Variants in ETV4 observed in about 807,000 individuals in gnomAD.
ETV4 encodes the protein ETS variant transcription factor 4.
Under a neutral mutation model 65.9 loss-of-function variants are expected in ETV4, and 42 were observed. That is an observed-to-expected ratio of 0.64 (90% CI 0.50 to 0.82). The LOEUF is 0.82. ETV4 is among the 40% of genes least tolerant of loss of function. ETV4 has a pLI of 0.00. For missense variants in ETV4, 583 were observed against 630.3 expected, an observed-to-expected ratio of 0.92 and a Z score of 0.80; for synonymous variants, 238 against 260.0, an observed-to-expected ratio of 0.92 and a Z score of 0.81.
rs770051904 is a variant in ETV4 at position 43,533,198 on chromosome 17, G to A, written c.534C>T (p.Leu178=). 15 of 1,613,308 alleles carry A rather than the reference G, an allele frequency of 9.3e-6. No homozygotes were observed. Among genetic ancestry groups the A allele is most frequent in the Middle Eastern group, 1.6e-4 (1 of 6,074 alleles). ...CCCTGTCTCCTTACCTATGTTCCCC[G>A]AGGTACCCATGGCCAGGGTGGGGCT... ...TSQPHPGHGY[L]GEHSSVFQQP... The change falls in exon 7 of 13, where the codon CTC becomes CTT. Residue 178 remains leucine, a synonymous_variant. Coordinates refer to ENST00000319349, the MANE Select transcript of ETV4 (RefSeq NM_001079675.5).
At chr17:43,540,961 G>A (rs955747641) in intron 4 of ETV4, among the ~76,000 whole-genome samples, 1 of 152,124 alleles carries the variant, frequency 6.6e-6, no homozygotes, top group Non-Finnish European at 1.5e-5. Flanking sequence ...TAATGGGCTG[G>A]GGGTATCTCT....
intron 4 of ETV4, among the ~76,000 whole-genome samples, chr17:43,539,527 A>T (rs1397053718): frequency 1.3e-5 from 2 of 152,342 alleles, no homozygotes; most frequent in East Asian, 1.9e-4. Flanking sequence ...AAGCTCTGTG[A>T]GGGCAAGAGC....
chr17:43,543,321 G>A (rs962123074), intron 4 of ETV4, among the ~76,000 whole-genome samples: 5 of 119,832 alleles, frequency 4.2e-5, no homozygotes, highest in Admixed American at 1.7e-4. Context: ...CTGTCACACC[G>A]ACACTGACAC....
intron 4 of ETV4, among the ~76,000 whole-genome samples, chr17:43,540,047 A>G (rs78658895): frequency 0.025 from 3,761 of 152,332 alleles, 74 homozygotes; most frequent in Non-Finnish European, 0.036. Flanking sequence ...ATCCGCTGGC[A>G]AGAACAAACA....
intron 4 of ETV4, among the ~76,000 whole-genome samples, chr17:43,538,140 C>CAAA (rs34924870): frequency 2.7e-5 from 3 of 110,744 alleles, no homozygotes; most frequent in Non-Finnish European, 5.6e-5. Context: ...GACTCCATTT[C>CAAA]AAAAAAAAAA....
At chr17:43,529,440 A>G (rs1970769974) in intron 11 of ETV4, 64 bp downstream of exon 11, 2 of 1,548,656 alleles carry the variant, frequency 1.3e-6, no homozygotes, top group Admixed American at 3.8e-5. Context: ...ACCATTTCCC[A>G]GGTTCTCCCA....
chr17:43,545,969 G>A, intron 1 of ETV4: 1 of 352,314 alleles, frequency 2.8e-6, no homozygotes, highest in Non-Finnish European at 5.2e-6. Context: ...GTGTGTGTGT[G>A]TGTGTGTGTG....
chr17:43,534,636 G>A (rs1051647513), intron 5 of ETV4, among the ~76,000 whole-genome samples: 11 of 152,060 alleles, frequency 7.2e-5, no homozygotes, highest in African/African-American at 2.7e-4. Context: ...TTTCTTATTT[G>A]AGGATATAAA....
intron 8 of ETV4, among the ~76,000 whole-genome samples, chr17:43,532,361 C>T (rs1347385747): frequency 2.0e-5 from 3 of 151,918 alleles, no homozygotes; most frequent in Admixed American, 6.6e-5. Flanking sequence ...TAGCCGGGCA[C>T]GGTGGCTGGT....
intron 11 of ETV4, 70 bp downstream of exon 11, chr17:43,529,433 AT>A (rs1179478098): frequency 6.5e-7 from 1 of 1,542,148 alleles, no homozygotes; most frequent in Non-Finnish European, 8.8e-7. Context: ...ACGTGCCACC[AT>A]TTCCCAGGTT....
intron 12 of ETV4, 91 bp from the exon 13 acceptor site, chr17:43,528,834 C>T (rs1466982823): frequency 1.4e-5 from 14 of 1,006,106 alleles, no homozygotes; most frequent in Non-Finnish European, 1.9e-5. Context: ...GGCCCTTCTA[C>T]CAGTACAGGC....
chr17:43,534,876 G>A (rs1195195438), intron 5 of ETV4, among the ~76,000 whole-genome samples: 2 of 151,950 alleles, frequency 1.3e-5, no homozygotes, highest in Non-Finnish European at 2.9e-5. Context: ...GGGAGGCAGC[G>A]GTTGCAGTGA....
At chr17:43,537,475 C>T (rs959588684) in intron 4 of ETV4, among the ~76,000 whole-genome samples, 1 of 151,174 alleles carries the variant, frequency 6.6e-6, no homozygotes, top group Non-Finnish European at 1.5e-5. Flanking sequence ...GGGAGGATCA[C>T]TTGAGATCAG....
chr17:43,540,368 G>T (rs1427196372), intron 4 of ETV4, among the ~76,000 whole-genome samples: 2 of 152,158 alleles, frequency 1.3e-5, no homozygotes, highest in African/African-American at 4.8e-5. Flanking sequence ...CAGGAGAATC[G>T]CTTGAACCCA....
intron 4 of ETV4, among the ~76,000 whole-genome samples, chr17:43,538,140 C>CAA (rs34924870): frequency 9.0e-6 from 1 of 110,740 alleles, no homozygotes; most frequent in Non-Finnish European, 1.9e-5. Context: ...GACTCCATTT[C>CAA]AAAAAAAAAA....
chr17:43,535,005 G>A (rs898535054), intron 5 of ETV4, among the ~76,000 whole-genome samples: 3 of 152,180 alleles, frequency 2.0e-5, no homozygotes, highest in Non-Finnish European at 2.9e-5. Flanking sequence ...CCACTTGAAT[G>A]TCAGCTGACT....
chr17:43,531,905 A>G (rs1483800505), intron 8 of ETV4, among the ~76,000 whole-genome samples: 2 of 152,238 alleles, frequency 1.3e-5, no homozygotes, highest in African/African-American at 2.4e-5. Context: ...CTGTCACAGT[A>G]GTTTGGTCTT....
In ETV4 at chr17:43,532,860, AGGGGGCTGG is replaced by A; in HGVS notation, c.616_624del (p.Pro206_Pro208del). 1 of 1,613,120 alleles carries A rather than the reference AGGGGGCTGG, an allele frequency of 6.2e-7. No individual in the cohort carries two copies. Among genetic ancestry groups the A allele is most frequent in the Non-Finnish European group, 8.5e-7 (1 of 1,179,336 alleles). On this transcript the variant is annotated inframe_deletion, in exon 8 of 13. Transcript: ENST00000319349. ...CAGGGCTCCGACAGCTGGTGTTGGTAGGGGGCTGGGAGGGGTTCCCGGCCCCCTCCCTGA... is the reference window on the plus strand; with the variant it reads ...CAGGGCTCCGACAGCTGGTGTTGGTAGAGGGGTTCCCGGCCCCCTCCCTGA...
At chr17:43,541,658 G>T (rs1450040197) in intron 4 of ETV4, among the ~76,000 whole-genome samples, 2 of 152,042 alleles carry the variant, frequency 1.3e-5, no homozygotes, top group Admixed American at 1.3e-4. Flanking sequence ...ACATATGCTC[G>T]GTCACCCTCT....
Sources: allele counts gnomAD v4.1 joint callset (sites outside exome capture counted in the v4.1 genomes callset), GRCh38; gene constraint gnomAD v4.1.1; transcripts MANE v1.5; gene names NCBI Gene and HGNC (gene_info 2026-07-23, HGNC 2026-07-21).